The following ENTPD1 variants were observed in gnomAD, a reference collection of about 807,000 sequenced individuals.
ENTPD1 encodes ATP diphosphohydrolase.
A neutral mutation model predicts 57.0 loss-of-function variants in ENTPD1; 33 were observed. The ratio of observed to expected loss-of-function variants is 0.58; its 90% CI spans 0.44 to 0.77. The LOEUF (loss-of-function observed/expected upper bound fraction) is 0.77. Among genes scored for constraint, ENTPD1 ranks in the 30% least tolerant of loss-of-function variants. ENTPD1 has a pLI of 0.00. For missense variants in ENTPD1, 501 were observed against 603.4 expected, an observed-to-expected ratio of 0.83 and a Z score of 1.78; for synonymous variants, 202 against 218.8, an observed-to-expected ratio of 0.92 and a Z score of 0.68.
chr10:95,742,513 TTTCTTC>T (rs962129518), intron 1 of ENTPD1, among the ~76,000 whole-genome samples: 3 of 150,926 alleles, frequency 2.0e-5, no homozygotes, highest in Admixed American at 6.7e-5. Flanking sequence ...TCTTTTTCTT[TTTCTTC>T]TTCTTCTTCT....
the ENTPD1 span, chr10:95,694,187 C>A: frequency 4.6e-6 from 2 of 435,310 alleles, no homozygotes; most frequent in Admixed American, 4.3e-5. Context: ...CGCTAGGTGG[C>A]GGTAGGAGTT....
chr10:95,707,286 A>G (rs1207707365), upstream of ENTPD1, among the ~76,000 whole-genome samples: 2 of 152,276 alleles, frequency 1.3e-5, no homozygotes, highest in South Asian at 2.1e-4. Flanking sequence ...AGCCCTGCCC[A>G]GGAGGGTGGA....
At position 95,872,325 on chromosome 10, in the gene ENTPD1, C is replaced by T. The variant is rs2051052; in HGVS notation, c.*5942C>T. On this transcript the variant is annotated 3_prime_UTR_variant, in exon 10 of 10. Transcript: ENST00000371205. Reference sequence around the variant, plus strand: ...TTCAAGGCTTTCAATGATCCATGGCCGCCAGCTCTCTCCAGGCTCATATCC... The same window carrying T: ...TTCAAGGCTTTCAATGATCCATGGCTGCCAGCTCTCTCCAGGCTCATATCC... 0.55 allele frequency: 539,362 copies of T among 984,992 alleles called. 148,725 individuals are homozygous for T. Among genetic ancestry groups the T allele is most frequent in the Admixed American group, 0.63 (10,230 of 16,256 alleles). 61.0% of individuals were successfully genotyped at this position (984,992 alleles called of 1,614,324 possible).
chr10:95,798,709 A>C (rs2098236626), intron 1 of ENTPD1, among the ~76,000 whole-genome samples: 1 of 152,194 alleles, frequency 6.6e-6, no homozygotes, highest in Non-Finnish European at 1.5e-5. Flanking sequence ...AAAGAATTTC[A>C]AATATTTTAC....
intron 1 of ENTPD1, among the ~76,000 whole-genome samples, chr10:95,815,029 T>C (rs908318878): frequency 2.6e-5 from 4 of 152,220 alleles, no homozygotes; most frequent in South Asian, 2.1e-4. Context: ...TGTGTTTCTA[T>C]TGATGTTTGT....
intron 1 of ENTPD1, among the ~76,000 whole-genome samples, chr10:95,722,588 T>C (rs2097978718): frequency 7.1e-6 from 1 of 139,946 alleles, no homozygotes; most frequent in Non-Finnish European, 1.5e-5. Context: ...TAGGTGGGAG[T>C]TGAACAAAGA....
In ENTPD1 at chr10:95,868,349, T is replaced by A. The variant is rs1291381397; in HGVS notation, c.*1966T>A. The A allele has an allele frequency of 2.0e-6, 2 of 985,320 alleles. No homozygotes were observed. The highest frequency in any genetic ancestry group is 6.1e-5 in the Admixed American group (1 of 16,264). 61.0% of individuals were successfully genotyped at this position (985,320 alleles called of 1,614,324 possible). ...CATAGAAAGGGAGGCAGAAAGCTGGTCTGTTCCTGATAGGCTTGTAATTTA... is the reference window on the plus strand; with the variant it reads ...CATAGAAAGGGAGGCAGAAAGCTGGACTGTTCCTGATAGGCTTGTAATTTA... On this transcript the variant is annotated 3_prime_UTR_variant, in exon 10 of 10. Coordinates refer to ENST00000371205, the MANE Select transcript of ENTPD1 (RefSeq NM_001776.6).
chr10:95,776,233 T>A (rs559761388), intron 1 of ENTPD1, among the ~76,000 whole-genome samples: 1 of 152,368 alleles, frequency 6.6e-6, no homozygotes, highest in South Asian at 2.1e-4. Context: ...CTTCCTAGCA[T>A]CGACAGTCTT....
intron 1 of ENTPD1, among the ~76,000 whole-genome samples, chr10:95,770,216 G>A (rs117243930): frequency 0.011 from 1,703 of 150,652 alleles, 16 homozygotes; most frequent in Non-Finnish European, 0.018. Context: ...AAGAGAAACC[G>A]TCCAAGAAGA....
In ENTPD1 at chr10:95,873,210, T is replaced by G. The variant is rs953164522; in HGVS notation, c.*6827T>G. 9.1e-6 allele frequency: 9 copies of G among 985,334 alleles called. No homozygotes were observed. The African/African-American group carries it at 1.6e-4, about 17-fold the overall frequency. The allele number at this position is 985,334 out of a possible 1,614,324, so 61.0% of individuals were successfully genotyped here. A position where few individuals can be genotyped will look rare whatever the true frequency, so the allele number is the denominator to read the frequency against. On this transcript the variant is annotated 3_prime_UTR_variant, in exon 10 of 10. Transcript: ENST00000371205. ...GATGACATTATCATTCCAAAGAGTT[T>G]CTTTTACAGGCTCTCAGATCAGTGT...
Position 95,756,282 on chromosome 10 carries a change from A to G in ENTPD1, c.16+27A>G, listed in dbSNP as rs184325935. On this transcript the variant is annotated intron_variant, in intron 1 of 9. Transcript: ENST00000371205. ...TAAGACCAAAATTGATTTGATCTGA[A>G]TCCTTAAGAAAAAAAAAATAGAAGG... 279 of 1,564,252 alleles carry G rather than the reference A, an allele frequency of 1.8e-4. No individual in the cohort carries two copies. In the African/African-American group the frequency reaches 2.9e-3, roughly 16 times the overall value.
At chr10:95,768,281 C>A (rs1444407042) in intron 1 of ENTPD1, among the ~76,000 whole-genome samples, 2 of 152,108 alleles carry the variant, frequency 1.3e-5, no homozygotes, top group African/African-American at 4.8e-5. Context: ...ATATGGTAAA[C>A]CCTCTTGATT....
At chr10:95,856,671 TACAC>T (rs1555305848) in intron 7 of ENTPD1, among the ~76,000 whole-genome samples, 7 of 146,770 alleles carry the variant, frequency 4.8e-5, no homozygotes, top group Non-Finnish European at 6.0e-5. Context: ...TATATATATA[TACAC>T]ACACATAAAT....
intron 1 of ENTPD1, among the ~76,000 whole-genome samples, chr10:95,818,184 T>A (rs1316696876): frequency 6.6e-6 from 1 of 152,120 alleles, no homozygotes; most frequent in Non-Finnish European, 1.5e-5. Context: ...CTGAGAAAAG[T>A]TCAGAGAATC....
At chr10:95,777,886 C>G (rs1243223057) in intron 1 of ENTPD1, among the ~76,000 whole-genome samples, 1 of 152,224 alleles carries the variant, frequency 6.6e-6, no homozygotes, top group Non-Finnish European at 1.5e-5. Context: ...GCCTGCCTCG[C>G]AGGTTGATCT....
chr10:95,733,624 AATTT>A (rs2097991577), intron 1 of ENTPD1, among the ~76,000 whole-genome samples: 1 of 152,200 alleles, frequency 6.6e-6, no homozygotes, highest in Admixed American at 6.5e-5. Flanking sequence ...AAATCTTCAC[AATTT>A]ATGTTCTCCT....
Position 95,869,579 on chromosome 10 carries a change from T to C in ENTPD1, c.*3196T>C. 1.0e-6 allele frequency: 1 copy of C among 985,242 alleles called. No individual in the cohort carries two copies. Among genetic ancestry groups the C allele is most frequent in the Non-Finnish European group, 1.2e-6 (1 of 829,874 alleles). 61.0% of individuals were successfully genotyped at this position (985,242 alleles called of 1,614,324 possible). The stretch of plus-strand genomic sequence containing the variant: ...GTGGTTACTTCTGTAGACAAAAGAA[T>C]AATGCTACTTAATCAGGCTTTCTGT... On this transcript the variant is annotated 3_prime_UTR_variant, in exon 10 of 10. Transcript: ENST00000371205.
upstream of ENTPD1, chr10:95,754,309 CAAAAAAAAA>C (rs540199495): frequency 1.8e-5 from 1 of 54,436 alleles, no homozygotes; most frequent in Non-Finnish European, 3.8e-5. Context: ...ACTCTTGTCT[CAAAAAAAAA>C]AAAAAAAAAA....
chr10:95,855,981 C>T (rs569274868), intron 7 of ENTPD1, among the ~76,000 whole-genome samples: 1 of 152,248 alleles, frequency 6.6e-6, no homozygotes, highest in South Asian at 2.1e-4. Flanking sequence ...TGAATGTTGG[C>T]TTGCCTTGCT....
Sources: gnomAD v4.1 joint callset for allele counts (sites outside exome capture counted in the v4.1 genomes callset) on GRCh38, gnomAD v4.1.1 for gene constraint, MANE v1.5 for transcripts, NCBI Gene and HGNC (gene_info 2026-07-23, HGNC 2026-07-21) for gene names.